Variants in LRRC4C observed in about 807,000 individuals in gnomAD.
LRRC4C encodes leucine rich repeat containing 4C, also known as leucine-rich repeat-containing protein 4C.
A neutral mutation model predicts 33.6 loss-of-function variants in LRRC4C; 5 were observed. The ratio of observed to expected loss-of-function variants is 0.15; its 90% CI spans 0.08 to 0.31. The LOEUF (loss-of-function observed/expected upper bound fraction) is 0.31. Ranked by LOEUF, LRRC4C falls within the 10% of genes least tolerant of loss-of-function variation. The pLI is 1.00. For synonymous variants in LRRC4C, 329 were observed against 302.0 expected (o/e 1.09, Z -0.93); for missense variants, 560 against 796.7 (o/e 0.70, Z 3.58).
At chr11:40,524,856 T>C (rs758034508) in intron 3 of LRRC4C, among the ~76,000 whole-genome samples, 8 of 152,152 alleles carry the variant, frequency 5.3e-5, no homozygotes, top group Non-Finnish European at 1.2e-4. Flanking sequence ...ATCAAATAAT[T>C]GCAAAGACAA....
At chr11:40,760,535 AGAAG>A (rs1373675650) in intron 2 of LRRC4C, among the ~76,000 whole-genome samples, 1 of 151,948 alleles carries the variant, frequency 6.6e-6, no homozygotes, top group Non-Finnish European at 1.5e-5. Flanking sequence ...TATTATGTAT[AGAAG>A]TGTATTTTAA....
intron 3 of LRRC4C, among the ~76,000 whole-genome samples, chr11:40,613,230 C>T (rs1961414932): frequency 6.6e-6 from 1 of 151,838 alleles, no homozygotes; most frequent in African/African-American, 2.4e-5. Context: ...TAATACTTTG[C>T]CCACAGAACT....
intron 4 of LRRC4C, among the ~76,000 whole-genome samples, chr11:40,256,799 C>T (rs976700422): frequency 2.6e-5 from 4 of 152,144 alleles, no homozygotes; most frequent in African/African-American, 9.7e-5. Context: ...AGATGCTAGG[C>T]TGAGAATTGT....
chr11:40,910,856 C>A (rs747375009), intron 2 of LRRC4C, among the ~76,000 whole-genome samples: 4 of 152,116 alleles, frequency 2.6e-5, no homozygotes, highest in African/African-American at 7.2e-5. Context: ...CCTAATACTG[C>A]GCTTTTCCAA....
chr11:41,333,686 G>A (rs1481946773), intron 1 of LRRC4C, among the ~76,000 whole-genome samples: 1 of 152,098 alleles, frequency 6.6e-6, no homozygotes, highest in Non-Finnish European at 1.5e-5. Flanking sequence ...TGATATTTTT[G>A]CAGGTGAATT....
intron 1 of LRRC4C, among the ~76,000 whole-genome samples, chr11:41,220,380 G>T (rs529878113): frequency 3.3e-5 from 5 of 152,046 alleles, no homozygotes; most frequent in Non-Finnish European, 5.9e-5. Flanking sequence ...CCTCTCCAAG[G>T]GAGAGTTATG....
At chr11:40,508,116 A>G (rs1474339615) in intron 3 of LRRC4C, among the ~76,000 whole-genome samples, 1 of 152,174 alleles carries the variant, frequency 6.6e-6, no homozygotes, top group African/African-American at 2.4e-5. Flanking sequence ...AATACTGTAC[A>G]ATGACAAATA....
At chr11:41,107,959 A>AGGGAGAG (rs68011353) in intron 1 of LRRC4C, among the ~76,000 whole-genome samples, 6 of 144,040 alleles carry the variant, frequency 4.2e-5, no homozygotes, top group South Asian at 2.2e-4. Flanking sequence ...AGAGAAGAGA[A>AGGGAGAG]GGGAGAGGGG....
At chr11:40,297,139 T>C (rs1296578183) in intron 4 of LRRC4C, among the ~76,000 whole-genome samples, 1 of 152,210 alleles carries the variant, frequency 6.6e-6, no homozygotes, top group Non-Finnish European at 1.5e-5. Context: ...ACAAATTCAG[T>C]AACTTTGCTT....
intron 1 of LRRC4C, among the ~76,000 whole-genome samples, chr11:41,307,784 C>T (rs1950544867): frequency 6.6e-6 from 1 of 152,174 alleles, no homozygotes; most frequent in African/African-American, 2.4e-5. Flanking sequence ...CCCCGCCTCC[C>T]TTCTTCCCTT....
At chr11:40,930,149 G>A (rs968938161) in intron 2 of LRRC4C, among the ~76,000 whole-genome samples, 1 of 152,188 alleles carries the variant, frequency 6.6e-6, no homozygotes, top group African/African-American at 2.4e-5. Flanking sequence ...GAAGGTAGTA[G>A]GGGAGGAAGC....
intron 2 of LRRC4C, among the ~76,000 whole-genome samples, chr11:40,763,686 G>A (rs1043855151): frequency 2.0e-5 from 3 of 152,062 alleles, no homozygotes; most frequent in Non-Finnish European, 4.4e-5. Flanking sequence ...ACTTTGTATC[G>A]GAATTCAGTG....
intron 5 of LRRC4C, among the ~76,000 whole-genome samples, chr11:40,161,715 C>T (rs932931254): frequency 1.3e-5 from 2 of 152,090 alleles, no homozygotes; most frequent in Admixed American, 1.3e-4. Flanking sequence ...CGAGATCGCG[C>T]CACTGCACTT....
At chr11:40,170,260 T>G (rs1859934747) in intron 5 of LRRC4C, among the ~76,000 whole-genome samples, 1 of 152,246 alleles carries the variant, frequency 6.6e-6, no homozygotes, top group South Asian at 2.1e-4. Flanking sequence ...CACTCCCTGC[T>G]TTGTTCTAGT....
At chr11:40,696,990 C>G (rs1441824023) in intron 2 of LRRC4C, among the ~76,000 whole-genome samples, 1 of 151,756 alleles carries the variant, frequency 6.6e-6, no homozygotes, top group East Asian at 1.9e-4. Context: ...ACTCTTGTGG[C>G]CTCATGGTCT....
intron 1 of LRRC4C, among the ~76,000 whole-genome samples, chr11:41,419,580 G>A (rs987867678): frequency 5.9e-5 from 9 of 151,882 alleles, no homozygotes; most frequent in Admixed American, 2.6e-4. Flanking sequence ...CCCAGAGACC[G>A]TAACTAATGC....
At chr11:41,337,980 A>G (rs1166509199) in intron 1 of LRRC4C, among the ~76,000 whole-genome samples, 1 of 152,214 alleles carries the variant, frequency 6.6e-6, no homozygotes. Flanking sequence ...CAAAACCACA[A>G]TGAGATACCA....
chr11:41,182,083 GATATT>G (rs1367006955), intron 1 of LRRC4C, among the ~76,000 whole-genome samples: 1 of 151,986 alleles, frequency 6.6e-6, no homozygotes, highest in East Asian at 1.9e-4. Context: ...CGTATTCTAG[GATATT>G]ATAACTATTT....
At chr11:41,020,381 T>C (rs2137659297) in intron 1 of LRRC4C, among the ~76,000 whole-genome samples, 1 of 152,272 alleles carries the variant, frequency 6.6e-6, no homozygotes, top group South Asian at 2.1e-4. Context: ...AAATAGGGTC[T>C]TTGCATATTT....
Sources: allele counts gnomAD v4.1 joint callset (sites outside exome capture counted in the v4.1 genomes callset), GRCh38; gene constraint gnomAD v4.1.1; transcripts MANE v1.5; gene names NCBI Gene and HGNC (gene_info 2026-07-23, HGNC 2026-07-21).